CFAP54: variants seen among roughly 807,000 people sequenced by gnomAD.
CFAP54 encodes cilia and flagella associated protein 54, also known as cilia- and flagella-associated protein 54.
CFAP54 carries 290 observed loss-of-function variants against 370.4 expected under a neutral mutation model. That is an observed-to-expected ratio of 0.78 (90% CI 0.71 to 0.86). The LOEUF is 0.86. Among genes scored for constraint, CFAP54 ranks in the 40% least tolerant of loss-of-function variants. The probability of loss-of-function intolerance (pLI) is 0.00; values close to 1 mark genes in which losing one functional copy is unlikely to be tolerated. For synonymous variants in CFAP54, 1,206 were observed against 1,236.5 expected (o/e 0.98, Z 0.52); for missense variants, 3,399 against 3,528.7 (o/e 0.96, Z 0.93).
intron 61 of CFAP54, among the ~76,000 whole-genome samples, chr12:96,785,191 A>G (rs905066372): frequency 6.6e-6 from 1 of 152,208 alleles, no homozygotes; most frequent in Non-Finnish European, 1.5e-5. Flanking sequence ...AGTGATTCCA[A>G]TGTGACAGTT....
At position 96,783,428 on chromosome 12, in the gene CFAP54, C is replaced by A. The variant is rs143068894; in HGVS notation, c.8282-1289C>A. On this transcript the variant is annotated intron_variant, in intron 60 of 67. Coordinates refer to ENST00000524981, the MANE Select transcript of CFAP54 (RefSeq NM_001306084.2). ...TCCCAGAGACAACCACTGTTCTAAT[C>A]AAATGTTATTTATGTGCATGTATAT... 5.5e-3 allele frequency among the ~76,000 whole-genome samples: 833 copies of A among 152,222 alleles called. 12 individuals are homozygous for A. Among genetic ancestry groups the A allele is most frequent in the African/African-American group, 0.019 (792 of 41,536 alleles).
intron 15 of CFAP54, among the ~76,000 whole-genome samples, chr12:96,548,766 T>C (rs1020131999): frequency 1.3e-5 from 2 of 152,212 alleles, no homozygotes; most frequent in Non-Finnish European, 2.9e-5. Flanking sequence ...TCACTTACAG[T>C]GTCTGCTAAA....
At chr12:96,594,228 C>T (rs1192037992) in intron 24 of CFAP54, 63 bp from the exon 25 acceptor site, 33 of 1,165,752 alleles carry the variant, frequency 2.8e-5, no homozygotes, top group East Asian at 2.4e-4. Context: ...ACCCATTCTC[C>T]GTAGAGACAC....
intron 65 of CFAP54, among the ~76,000 whole-genome samples, chr12:96,824,612 GC>G (rs1959066217): frequency 6.6e-6 from 1 of 152,116 alleles, no homozygotes; most frequent in African/African-American, 2.4e-5. Flanking sequence ...CAGGGACCTG[GC>G]AAGATCAGCA....
intron 63 of CFAP54, among the ~76,000 whole-genome samples, chr12:96,796,746 A>G (rs750726662): frequency 6.6e-6 from 1 of 152,128 alleles, no homozygotes; most frequent in Non-Finnish European, 1.5e-5. Context: ...AATTCCTCTC[A>G]TATTTTAAAT....
chr12:96,518,268 C>T (rs1225551504), intron 5 of CFAP54, among the ~76,000 whole-genome samples: 5 of 152,182 alleles, frequency 3.3e-5, no homozygotes, highest in African/African-American at 1.2e-4. Context: ...ACCTCCTATA[C>T]CAGCTAATCT....
intron 66 of CFAP54, among the ~76,000 whole-genome samples, chr12:96,845,502 A>ACATCCAATT (rs1344703628): frequency 3.7e-4 from 57 of 152,312 alleles, no homozygotes; most frequent in African/African-American, 1.3e-3. Flanking sequence ...AGGGAAGCCC[A>ACATCCAATT]CATCCAATTA....
intron 4 of CFAP54, among the ~76,000 whole-genome samples, chr12:96,510,881 T>C (rs1192168790): frequency 6.6e-6 from 1 of 150,922 alleles, no homozygotes; most frequent in Non-Finnish European, 1.5e-5. Context: ...GGGAATCACT[T>C]GAACCCGGGA....
At chr12:96,598,942 T>C (rs1956209053) in intron 26 of CFAP54, among the ~76,000 whole-genome samples, 175 bp downstream of exon 26, 1 of 152,102 alleles carries the variant, frequency 6.6e-6, no homozygotes, top group Non-Finnish European at 1.5e-5. Context: ...TGTTGAACTT[T>C]TTGATGAAAC....
intron 45 of CFAP54, among the ~76,000 whole-genome samples, chr12:96,695,047 A>G (rs1442466253): frequency 6.6e-6 from 1 of 152,112 alleles, no homozygotes; most frequent in African/African-American, 2.4e-5. Context: ...AAAAAAAACA[A>G]AAAAACACCT....
At chr12:96,587,843 T>C (rs1369675232) in intron 22 of CFAP54, among the ~76,000 whole-genome samples, 1 of 152,166 alleles carries the variant, frequency 6.6e-6, no homozygotes, top group African/African-American at 2.4e-5. Flanking sequence ...AGTTGAGTCA[T>C]TTGATTAATG....
At chr12:96,502,017 T>C (rs1955034056) in intron 2 of CFAP54, among the ~76,000 whole-genome samples, 1 of 152,198 alleles carries the variant, frequency 6.6e-6, no homozygotes, top group Admixed American at 6.5e-5. Flanking sequence ...ATCCTTACAC[T>C]TTTCAGTATA....
intron 44 of CFAP54, 22 bp from the exon 45 acceptor site, chr12:96,693,698 CAA>C (rs1426973219): frequency 1.4e-6 from 2 of 1,410,346 alleles, no homozygotes; most frequent in Admixed American, 2.0e-5. Flanking sequence ...TATTTTGAAA[CAA>C]AGAGTGTTTT....
intron 33 of CFAP54, chr12:96,647,204 TG>T (rs1207117174): frequency 3.3e-5 from 5 of 152,008 alleles, no homozygotes; most frequent in African/African-American, 1.2e-4. Context: ...CTGCGTGCAG[TG>T]GCTCACACCT....
chr12:96,704,917 C>G, intron 47 of CFAP54, 121 bp downstream of exon 47: 2 of 343,752 alleles, frequency 5.8e-6, no homozygotes, highest in Non-Finnish European at 5.5e-6. Flanking sequence ...ATATTCTTTT[C>G]TTTTTTTTTC....
intron 4 of CFAP54, 113 bp downstream of exon 4, chr12:96,507,212 G>T: frequency 2.4e-6 from 2 of 820,104 alleles, no homozygotes; most frequent in South Asian, 2.6e-5. Context: ...TTTCATAATA[G>T]GATGAATATA....
At chr12:96,834,180 TAAG>T (rs1260117447) in intron 66 of CFAP54, among the ~76,000 whole-genome samples, 1 of 151,856 alleles carries the variant, frequency 6.6e-6, no homozygotes, top group Non-Finnish European at 1.5e-5. Context: ...GATTAGTCTT[TAAG>T]AAGATTCGAG....
chr12:96,559,109 G>T (rs1367480678), intron 17 of CFAP54, among the ~76,000 whole-genome samples: 1 of 152,042 alleles, frequency 6.6e-6, no homozygotes, highest in Admixed American at 6.6e-5. Context: ...CCAGCTACTT[G>T]GGAGGCTGAG....
chr12:96,633,220 G>A (rs931932720), intron 32 of CFAP54, among the ~76,000 whole-genome samples: 1 of 152,142 alleles, frequency 6.6e-6, no homozygotes, highest in African/African-American at 2.4e-5. Context: ...CTAGGACTTC[G>A]AGTTTAATCA....
Sources: gnomAD v4.1 joint callset for allele counts (sites outside exome capture counted in the v4.1 genomes callset) on GRCh38, gnomAD v4.1.1 for gene constraint, MANE v1.5 for transcripts, NCBI Gene and HGNC (gene_info 2026-07-23, HGNC 2026-07-21) for gene names.